PCDHA12: variants seen among roughly 807,000 people sequenced by gnomAD.
PCDHA12 encodes the protein protocadherin alpha-12.
PCDHA12 carries 44 observed loss-of-function variants against 60.0 expected under a neutral mutation model. The ratio of observed to expected loss-of-function variants is 0.73; its 90% CI spans 0.58 to 0.94. The LOEUF is 0.94. Among genes scored for constraint, PCDHA12 ranks in the 40% least tolerant of loss-of-function variants. PCDHA12 has a pLI of 0.00. For missense variants in PCDHA12, 1,276 were observed against 1,239.7 expected, an observed-to-expected ratio of 1.03 and a Z score of -0.44; for synonymous variants, 569 against 553.0, an observed-to-expected ratio of 1.03 and a Z score of -0.40.
chr5:140,880,920 A>G (rs1189539222), intron 1 of PCDHA12, among the ~76,000 whole-genome samples: 1 of 152,228 alleles, frequency 6.6e-6, no homozygotes, highest in Non-Finnish European at 1.5e-5. Flanking sequence ...GAGAAATACT[A>G]TGTTAGTAAA....
chr5:140,968,057 C>G, intron 1 of PCDHA12: 1 of 1,614,110 alleles, frequency 6.2e-7, no homozygotes, highest in African/African-American at 1.3e-5. Flanking sequence ...GGACCGAGAG[C>G]GGGTGGCTGT....
chr5:140,985,401 C>T (rs2097150530), intron 3 of PCDHA12, among the ~76,000 whole-genome samples: 1 of 152,108 alleles, frequency 6.6e-6, no homozygotes, highest in Non-Finnish European at 1.5e-5. Flanking sequence ...CCAACTGTTC[C>T]CCTGGAAATG....
intron 1 of PCDHA12, among the ~76,000 whole-genome samples, chr5:140,973,052 G>C (rs114678656): frequency 0.013 from 2,011 of 152,210 alleles, 55 homozygotes; most frequent in African/African-American, 0.046. Flanking sequence ...TAGTAGATTT[G>C]TCCAACAGTG....
chr5:140,895,253 C>CT (rs1411327383), intron 1 of PCDHA12, among the ~76,000 whole-genome samples: 1 of 151,966 alleles, frequency 6.6e-6, no homozygotes. Context: ...TCAAAGCTTT[C>CT]TTTTTTTTCT....
intron 2 of PCDHA12, chr5:140,982,223 TA>T: frequency 5.2e-6 from 3 of 580,212 alleles, no homozygotes; most frequent in East Asian, 4.0e-5. Context: ...ATGGCGTTAA[TA>T]AAAAACAGAA....
chr5:140,966,894 A>C, intron 1 of PCDHA12: 1 of 1,596,438 alleles, frequency 6.3e-7, no homozygotes, highest in African/African-American at 1.3e-5. Flanking sequence ...GCGGCCTCCC[A>C]GCTGCGATAC....
chr5:140,885,592 G>A (rs1428219345), intron 1 of PCDHA12, among the ~76,000 whole-genome samples: 1 of 152,102 alleles, frequency 6.6e-6, no homozygotes, highest in Non-Finnish European at 1.5e-5. Context: ...ATGCATCAAA[G>A]ATATTAATAA....
chr5:140,875,979 C>G lies in PCDHA12; in HGVS notation c.507C>G (p.Thr169=). The G allele has an allele frequency of 3.7e-6, 6 of 1,613,984 alleles. No homozygotes were observed. The highest frequency in any genetic ancestry group is 5.1e-6 in the Non-Finnish European group (6 of 1,179,916). ...DADIGVNSLL[T]YALSLNENFE... ...ATATCGGCGTAAACTCTCTTTTGAC[C>G]TATGCGTTAAGTCTAAATGAGAATT... The change falls in exon 1 of 4, where the codon ACC becomes ACG. Residue 169 remains threonine, a synonymous_variant. Coordinates refer to ENST00000398631, the MANE Select transcript of PCDHA12 (RefSeq NM_018903.4).
At chr5:140,924,484 A>G (rs1198741385) in intron 1 of PCDHA12, among the ~76,000 whole-genome samples, 1 of 152,184 alleles carries the variant, frequency 6.6e-6, no homozygotes, top group Non-Finnish European at 1.5e-5. Flanking sequence ...TTTTAGTGGA[A>G]CACTGGCATT....
At chr5:140,922,993 T>A (rs2081107625) in intron 1 of PCDHA12, among the ~76,000 whole-genome samples, 1 of 152,054 alleles carries the variant, frequency 6.6e-6, no homozygotes, top group Non-Finnish European at 1.5e-5. Context: ...AGGCAAGCCA[T>A]GAGAATGGTT....
At chr5:140,978,486 G>T (rs1289847782) in intron 1 of PCDHA12, among the ~76,000 whole-genome samples, 1 of 152,248 alleles carries the variant, frequency 6.6e-6, no homozygotes, top group Admixed American at 6.5e-5. Flanking sequence ...AGTCTGCAAA[G>T]CCAGCAGCAG....
chr5:140,952,565 C>T (rs1255567969), intron 1 of PCDHA12, among the ~76,000 whole-genome samples: 3 of 152,142 alleles, frequency 2.0e-5, no homozygotes, highest in African/African-American at 4.8e-5. Flanking sequence ...ATCAGCACTT[C>T]GGTCCCAATC....
intron 1 of PCDHA12, among the ~76,000 whole-genome samples, chr5:140,961,052 G>A (rs942442138): frequency 7.9e-5 from 12 of 152,272 alleles, no homozygotes; most frequent in African/African-American, 2.9e-4. Flanking sequence ...TTAACAAAAT[G>A]TTGAATGGGA....
intron 1 of PCDHA12, among the ~76,000 whole-genome samples, chr5:140,962,132 C>A (rs1018234897): frequency 3.3e-5 from 5 of 152,104 alleles, no homozygotes; most frequent in Admixed American, 3.3e-4. Flanking sequence ...GCCTCGGCCT[C>A]CCAAAGTGCT....
At chr5:141,009,107 G>A (rs1329490009) in intron 3 of PCDHA12, among the ~76,000 whole-genome samples, 6 of 152,180 alleles carry the variant, frequency 3.9e-5, no homozygotes, top group African/African-American at 1.4e-4. Flanking sequence ...ATGTTACTAT[G>A]AAACTAGATT....
At chr5:140,940,557 T>C (rs1554213484) in intron 1 of PCDHA12, among the ~76,000 whole-genome samples, 1 of 152,204 alleles carries the variant, frequency 6.6e-6, no homozygotes. Context: ...CAAGTGATTC[T>C]CCTACCTTGG....
At chr5:140,963,424 G>A (rs898407658) in intron 1 of PCDHA12, among the ~76,000 whole-genome samples, 7 of 152,194 alleles carry the variant, frequency 4.6e-5, no homozygotes, top group Non-Finnish European at 1.0e-4. Flanking sequence ...GCATGTTTAG[G>A]AACTAACTTC....
At chr5:140,880,233 T>C (rs1040125802) in intron 1 of PCDHA12, among the ~76,000 whole-genome samples, 1 of 152,046 alleles carries the variant, frequency 6.6e-6, no homozygotes, top group African/African-American at 2.4e-5. Context: ...TTTAAATTAG[T>C]GTATGTGCGT....
chr5:140,987,579 G>A (rs1587244490), intron 3 of PCDHA12, among the ~76,000 whole-genome samples: 1 of 152,280 alleles, frequency 6.6e-6, no homozygotes, highest in East Asian at 1.9e-4. Flanking sequence ...TCTATAAAAT[G>A]GGGAGAATAG....
Sources: gnomAD v4.1 joint callset for allele counts (sites outside exome capture counted in the v4.1 genomes callset) on GRCh38, gnomAD v4.1.1 for gene constraint, MANE v1.5 for transcripts, NCBI Gene and HGNC (gene_info 2026-07-23, HGNC 2026-07-21) for gene names.